The following RIMS2 variants were observed in gnomAD, a reference collection of about 807,000 sequenced individuals.
The protein encoded by RIMS2 is regulating synaptic membrane exocytosis protein 2.
Under a neutral mutation model 174.4 loss-of-function variants are expected in RIMS2, and 59 were observed. That is an observed-to-expected ratio of 0.34 (90% CI 0.27 to 0.42). The LOEUF is 0.42. Among genes scored for constraint, RIMS2 ranks in the 10% least tolerant of loss-of-function variants. The pLI is 1.00. For missense variants in RIMS2, 1,620 were observed against 1,666.3 expected (o/e 0.97, Z 0.48); for synonymous variants, 606 against 572.5 (o/e 1.06, Z -0.84).
At chr8:104,231,815 G>A (rs1300040147) in intron 19 of RIMS2, among the ~76,000 whole-genome samples, 1 of 152,042 alleles carries the variant, frequency 6.6e-6, no homozygotes, top group Non-Finnish European at 1.5e-5. Context: ...TGAGGTATTA[G>A]CCACATGTGA....
chr8:103,709,340 GT>G (rs35595373), intron 2 of RIMS2, among the ~76,000 whole-genome samples: 21,127 of 132,748 alleles, frequency 0.16, 1,399 homozygotes, highest in Middle Eastern at 0.25. Flanking sequence ...CGGTATGTGG[GT>G]TTTTTTTTTT....
chr8:103,593,250 A>T (rs1350395623), intron 1 of RIMS2, among the ~76,000 whole-genome samples: 1 of 151,414 alleles, frequency 6.6e-6, no homozygotes, highest in Non-Finnish European at 1.5e-5. Flanking sequence ...GATGTTAATG[A>T]TATGATTTTT....
At chr8:103,681,190 A>G (rs1376892571) in intron 1 of RIMS2, among the ~76,000 whole-genome samples, 3 of 152,058 alleles carry the variant, frequency 2.0e-5, no homozygotes, top group African/African-American at 4.8e-5. Flanking sequence ...GGCTTTTACC[A>G]TTTACCAGCT....
At chr8:103,581,571 A>G (rs1008634136) in intron 1 of RIMS2, among the ~76,000 whole-genome samples, 1 of 152,240 alleles carries the variant, frequency 6.6e-6, no homozygotes, top group African/African-American at 2.4e-5. Context: ...GAACAAGACA[A>G]GGATGCCTGC....
intron 1 of RIMS2, among the ~76,000 whole-genome samples, chr8:103,684,883 G>A (rs2096923154): frequency 1.3e-5 from 2 of 151,960 alleles, no homozygotes; most frequent in African/African-American, 2.4e-5. Context: ...CACTTCACCT[G>A]GCACATACTT....
At chr8:103,722,710 G>T (rs1363934333) in intron 2 of RIMS2, among the ~76,000 whole-genome samples, 1 of 152,162 alleles carries the variant, frequency 6.6e-6, no homozygotes, top group Non-Finnish European at 1.5e-5. Flanking sequence ...CTCCTGATCT[G>T]TTGGGGGTAT....
intron 3 of RIMS2, among the ~76,000 whole-genome samples, chr8:103,786,797 C>T (rs2154437786): frequency 6.6e-6 from 1 of 152,258 alleles, no homozygotes; most frequent in African/African-American, 2.4e-5. Flanking sequence ...CCGCTTGGTG[C>T]AGAGCTGAGT....
chr8:104,182,538 C>G (rs1442349507), intron 19 of RIMS2, among the ~76,000 whole-genome samples: 4 of 151,694 alleles, frequency 2.6e-5, no homozygotes, highest in Non-Finnish European at 5.9e-5. Flanking sequence ...CTCATTTCAC[C>G]CATTCATCCC....
rs970441415 is a variant in RIMS2 at position 103,718,905 on chromosome 8, C to T, written c.387+21609C>T. On this transcript the variant is annotated intron_variant, in intron 2 of 23. Transcript: ENST00000504942. ...CCCGGCTGATCTCAAATGCCTCGGCCTCCTGAAGTGCTGGGATTACAGGCA... is the reference window on the plus strand; with the variant it reads ...CCCGGCTGATCTCAAATGCCTCGGCTTCCTGAAGTGCTGGGATTACAGGCA... Among the ~76,000 whole-genome samples the T allele has an allele frequency of 5.9e-5, 9 of 152,130 alleles. No homozygotes were observed. The East Asian group carries it at 1.5e-3, about 26-fold the overall frequency.
chr8:103,866,783 T>C (rs1159159225), intron 3 of RIMS2, among the ~76,000 whole-genome samples: 1 of 152,104 alleles, frequency 6.6e-6, no homozygotes, highest in Non-Finnish European at 1.5e-5. Context: ...TAGGAAGTAT[T>C]TTGGCTTTTA....
At chr8:104,117,420 G>A (rs1429410042) in intron 19 of RIMS2, among the ~76,000 whole-genome samples, 1 of 150,764 alleles carries the variant, frequency 6.6e-6, no homozygotes, top group Non-Finnish European at 1.5e-5. Flanking sequence ...GCAAGGTCTT[G>A]CTCTGCCAGC....
rs770838719 is a variant in RIMS2, at chr8:104,093,645, T to G, written c.3334+79030T>G. The G allele has an allele frequency of 6.3e-7, 1 of 1,589,414 alleles. No homozygotes were observed. Among genetic ancestry groups the G allele is most frequent in the Non-Finnish European group, 8.5e-7 (1 of 1,175,270 alleles). ...CCCAGGAGGAAACAAGAAAATCAGG[T>G]AAGGGGATTTCAACAACAAACTTCT... On this transcript the variant is annotated intron_variant, in intron 19 of 23. Transcript: ENST00000504942.
chr8:103,916,433 G>A lies in RIMS2; in HGVS notation c.1932G>A (p.Trp644Ter). 1 of 1,608,550 alleles carries A rather than the reference G, an allele frequency of 6.2e-7. No homozygotes were observed. Among genetic ancestry groups the A allele is most frequent in the Non-Finnish European group, 8.5e-7 (1 of 1,176,022 alleles). Residue 644 changes from tryptophan (W) to a stop codon, truncating the protein, a stop_gained, in exon 8 of 24, where the codon TGG becomes TGA. Transcript: ENST00000504942. LOFTEE classifies it high-confidence loss of function. Reference sequence around the variant, plus strand: ...CTATAGGTGATGAAGTATTAGAATGGAATGGAAGACTACTGCAAGGAGCCA... The same window carrying A: ...CTATAGGTGATGAAGTATTAGAATGAAATGGAAGACTACTGCAAGGAGCCA...
intron 19 of RIMS2, 89 bp from the exon 23 acceptor site, chr8:104,068,423 C>G (rs2097140289): frequency 1.7e-6 from 1 of 596,610 alleles, no homozygotes; most frequent in East Asian, 2.8e-5. Flanking sequence ...AATATACCAG[C>G]CTGGCTTTTC....
chr8:103,524,848 C>G (rs954479524), intron 1 of RIMS2, among the ~76,000 whole-genome samples: 1 of 152,180 alleles, frequency 6.6e-6, no homozygotes, highest in Admixed American at 6.5e-5. Flanking sequence ...GCTGCTAGAA[C>G]CAGAGACCAT....
At chr8:103,969,134 C>G (rs1192740225) in intron 15 of RIMS2, among the ~76,000 whole-genome samples, 1 of 151,750 alleles carries the variant, frequency 6.6e-6, no homozygotes, top group Non-Finnish European at 1.5e-5. Flanking sequence ...TGTCTTCTTT[C>G]AAGGGTTTTT....
chr8:103,868,511 C>T (rs2099094354), intron 3 of RIMS2, among the ~76,000 whole-genome samples: 1 of 151,892 alleles, frequency 6.6e-6, no homozygotes, highest in Non-Finnish European at 1.5e-5. Context: ...TTTAAAGAAT[C>T]TCCTCTTGAA....
chr8:104,101,425 G>T (rs543299381), intron 19 of RIMS2, among the ~76,000 whole-genome samples: 1 of 152,066 alleles, frequency 6.6e-6, no homozygotes, highest in South Asian at 2.1e-4. Context: ...CACCGTGCCC[G>T]GCCTTCTTGG....
intron 15 of RIMS2, among the ~76,000 whole-genome samples, chr8:103,966,854 GA>G (rs2091953181): frequency 6.6e-6 from 1 of 151,684 alleles, no homozygotes; most frequent in African/African-American, 2.4e-5. Flanking sequence ...TTTCCCTTGA[GA>G]TTTTTTTCTT....
Sources: allele counts gnomAD v4.1 joint callset (sites outside exome capture counted in the v4.1 genomes callset), GRCh38; gene constraint gnomAD v4.1.1; transcripts MANE v1.5; gene names NCBI Gene and HGNC (gene_info 2026-07-23, HGNC 2026-07-21).